FRMPD2: variants seen among roughly 807,000 people sequenced by gnomAD.
FRMPD2 encodes FERM and PDZ domain containing 2.
In FRMPD2, 96 loss-of-function variants were observed where a neutral mutation model predicts 140.1. The observed-to-expected ratio is 0.69, with a 90% CI of 0.58 to 0.81. The LOEUF (loss-of-function observed/expected upper bound fraction) is 0.81, where lower values mean the gene tolerates loss of function less well. FRMPD2 is among the 40% of genes least tolerant of loss of function. The pLI, the probability that FRMPD2 is intolerant of heterozygous loss-of-function variation, is 0.00. For synonymous variants in FRMPD2, 449 were observed against 547.6 expected, an observed-to-expected ratio of 0.82 and a Z score of 2.52; for missense variants, 1,240 against 1,447.4, an observed-to-expected ratio of 0.86 and a Z score of 2.32.
At chr10:48,186,068 A>G (rs1316396832) in intron 17 of FRMPD2, among the ~76,000 whole-genome samples, 2 of 152,252 alleles carry the variant, frequency 1.3e-5, no homozygotes, top group Non-Finnish European at 2.9e-5. Flanking sequence ...TTCCCATCCC[A>G]GGCCTCAAAT....
At chr10:48,235,567 G>A (rs1839948260) in intron 9 of FRMPD2, among the ~76,000 whole-genome samples, 1 of 152,224 alleles carries the variant, frequency 6.6e-6, no homozygotes, top group Admixed American at 6.5e-5. Flanking sequence ...GACAAGTGGA[G>A]GGCGATGCAG....
chr10:48,181,890 A>ACT (rs1236051317), intron 20 of FRMPD2, among the ~76,000 whole-genome samples: 5 of 54,534 alleles, frequency 9.2e-5, no homozygotes, highest in Admixed American at 7.6e-4. Context: ...GCTCTCATAC[A>ACT]CACACACACA....
At chr10:48,158,980 C>A in intron 28 of FRMPD2, 1 of 347,144 alleles carries the variant, frequency 2.9e-6, no homozygotes, top group Non-Finnish European at 5.6e-6. Flanking sequence ...CCACCAAATT[C>A]ATCTCTGCCT....
chr10:48,178,656 C>T (rs1473678140), intron 21 of FRMPD2, among the ~76,000 whole-genome samples: 1 of 152,194 alleles, frequency 6.6e-6, no homozygotes, highest in Non-Finnish European at 1.5e-5. Context: ...CCTGCAGCAT[C>T]TGGGTTGGGT....
intron 1 of FRMPD2, among the ~76,000 whole-genome samples, chr10:48,273,367 G>A (rs1840800712): frequency 6.6e-6 from 1 of 152,156 alleles, no homozygotes; most frequent in African/African-American, 2.4e-5. Flanking sequence ...GCCATAGAAG[G>A]CCTTCCTTGC....
Position 48,163,591 on chromosome 10 carries a change from CT to C in FRMPD2, c.3617del (p.Glu1206GlyfsTer44), listed in dbSNP as rs2132390598. 1 of 1,279,774 alleles carries C rather than the reference CT, an allele frequency of 7.8e-7. No individual in the cohort carries two copies. Among genetic ancestry groups the C allele is most frequent in the African/African-American group, 1.5e-5 (1 of 65,842 alleles). The allele number at this position is 1,279,774 out of a possible 1,614,324, so 79.3% of individuals were successfully genotyped here. On this transcript the variant is annotated frameshift_variant, in exon 28 of 29. Coordinates refer to ENST00000374201, the MANE Select transcript of FRMPD2 (RefSeq NM_001018071.4). LOFTEE classifies it high-confidence loss of function. ...GGGAGGCACTGTCCCTCCAGCTGTC[CT>C]CTTGATCCAGGATGGGGCTGGTACA... is the stretch of plus-strand genomic sequence containing the variant. ...DSCTSPILDQEDSWRDSASPD... is the reference protein window; with the variant it reads ...DSCTSPILDQXDSWRDSASPD...
intron 12 of FRMPD2, among the ~76,000 whole-genome samples, chr10:48,219,947 C>T (rs929375190): frequency 4.6e-5 from 7 of 152,168 alleles, no homozygotes; most frequent in Non-Finnish European, 1.0e-4. Flanking sequence ...TTACAATGTA[C>T]TAGCCACATG....
At chr10:48,244,643 T>C (rs1363287641) in intron 4 of FRMPD2, 141 bp downstream of exon 4, 5 of 649,474 alleles carry the variant, frequency 7.7e-6, no homozygotes, top group Non-Finnish European at 1.4e-5. Flanking sequence ...GTGTGATAAG[T>C]TCTCAACGCC....
chr10:48,240,491 A>T lies in FRMPD2; in HGVS notation c.569T>A (p.Val190Glu). Residue 190 changes from valine (V) to glutamate (E), a missense_variant and splice_region_variant, in exon 6 of 29, where the codon GTG (valine) becomes GAG (glutamate). Physicochemically the swap from Val to Glu is moderately radical, Grantham distance 121. This residue lies in a region of FRMPD2 where 1,161 missense variants were observed against 1,055.9 expected (regional missense o/e 1.10). Coordinates refer to ENST00000374201, the MANE Select transcript of FRMPD2 (RefSeq NM_001018071.4). ...GCTTTCCTCCACAACTCTTTTCTCC[A>T]CCTGGGGGTCAAGTGCATCACACAT... ...VGLVLGTISE[V>E]EKRVVEESSS... is the part of the protein sequence containing the mutation. The T allele has an allele frequency of 6.2e-7, 1 of 1,613,484 alleles. No homozygotes were observed. The highest frequency in any genetic ancestry group is 8.5e-7 in the Non-Finnish European group (1 of 1,179,968).
At chr10:48,179,475 C>T (rs1396401307) in intron 21 of FRMPD2, among the ~76,000 whole-genome samples, 12 of 151,274 alleles carry the variant, frequency 7.9e-5, no homozygotes, top group Admixed American at 6.5e-4. Context: ...TTCCTCCCAC[C>T]TTACATACTC....
chr10:48,220,295 T>C (rs1303939311), intron 12 of FRMPD2, among the ~76,000 whole-genome samples: 3 of 151,998 alleles, frequency 2.0e-5, no homozygotes, highest in African/African-American at 7.3e-5. Flanking sequence ...ATACTTACAA[T>C]CAATTGATTT....
Position 48,168,697 on chromosome 10 carries a change from C to T in FRMPD2, c.3439-4G>A, listed in dbSNP as rs556452511. On this transcript the variant is annotated splice_polypyrimidine_tract_variant and splice_region_variant and intron_variant, in intron 26 of 28. Transcript: ENST00000374201. ...CTCTCAGTAAATGCAGCACCTCCTG[C>T]GAAAAACCAAGATTCACTGTTAGAT... 3.6e-5 allele frequency: 36 copies of T among 996,168 alleles called. 13 individuals are homozygous for T. The highest frequency in any genetic ancestry group is 3.7e-4 in the Middle Eastern group (1 of 2,712). The allele number at this position is 996,168 out of a possible 1,614,324, so 61.7% of individuals were successfully genotyped here.
intron 13 of FRMPD2, among the ~76,000 whole-genome samples, chr10:48,210,699 G>C (rs931925976): frequency 6.6e-6 from 1 of 152,180 alleles, no homozygotes; most frequent in African/African-American, 2.4e-5. Flanking sequence ...ATCATGCTTC[G>C]CCAGTGCTTC....
At chr10:48,260,843 C>T (rs1840576561) in intron 1 of FRMPD2, among the ~76,000 whole-genome samples, 2 of 151,802 alleles carry the variant, frequency 1.3e-5, no homozygotes, top group East Asian at 1.9e-4. Flanking sequence ...GATTATCATA[C>T]CAGAAATGTA....
intron 1 of FRMPD2, among the ~76,000 whole-genome samples, chr10:48,271,612 T>C (rs1419510422): frequency 6.6e-6 from 1 of 151,404 alleles, no homozygotes; most frequent in Non-Finnish European, 1.5e-5. Flanking sequence ...AATACAGGAA[T>C]AAGGAGGCTT....
At chr10:48,266,749 C>G (rs1055297451) in intron 1 of FRMPD2, among the ~76,000 whole-genome samples, 1 of 152,238 alleles carries the variant, frequency 6.6e-6, no homozygotes, top group African/African-American at 2.4e-5. Flanking sequence ...TGACTTGCGT[C>G]ACACCCTAGA....
chr10:48,195,366 G>T (rs1464596620), intron 15 of FRMPD2, among the ~76,000 whole-genome samples: 2 of 152,216 alleles, frequency 1.3e-5, no homozygotes, highest in African/African-American at 4.8e-5. Context: ...AAAGTAATAT[G>T]CTTATTGAGA....
intron 15 of FRMPD2, 183 bp from the exon 16 acceptor site, chr10:48,193,077 A>G (rs1838874800): frequency 1.3e-5 from 8 of 601,436 alleles, no homozygotes; most frequent in Non-Finnish European, 2.1e-5. Context: ...CTTGCTAATG[A>G]AAGAAACCTC....
At chr10:48,215,908 GT>G (rs1839436567) in intron 12 of FRMPD2, among the ~76,000 whole-genome samples, 1 of 152,202 alleles carries the variant, frequency 6.6e-6, no homozygotes, top group Non-Finnish European at 1.5e-5. Flanking sequence ...CTGTGAGGGT[GT>G]TTTTGGACAT....
Sources: allele counts gnomAD v4.1 joint callset (sites outside exome capture counted in the v4.1 genomes callset), GRCh38; gene constraint gnomAD v4.1.1; regional missense constraint gnomAD v4.1.1; transcripts MANE v1.5; gene names NCBI Gene and HGNC (gene_info 2026-07-23, HGNC 2026-07-21).